The following GPR158 variants were observed in gnomAD, a reference collection of about 807,000 sequenced individuals.
GPR158 encodes metabotropic glycine receptor.
A neutral mutation model predicts 78.2 loss-of-function variants in GPR158; 30 were observed. That is an observed-to-expected ratio of 0.38 (90% confidence interval 0.29 to 0.52). The LOEUF (loss-of-function observed/expected upper bound fraction) is 0.52, where lower values mean the gene tolerates loss of function less well. Ranked by LOEUF, GPR158 falls within the 20% of genes least tolerant of loss-of-function variation. The probability of loss-of-function intolerance (pLI) is 0.83; values close to 1 mark genes in which losing one functional copy is unlikely to be tolerated. For missense variants in GPR158, 1,463 were observed against 1,523.5 expected (o/e 0.96, Z 0.66); for synonymous variants, 581 against 591.1 (o/e 0.98, Z 0.25).
chr10:25,481,180 A>C (rs1835659817), intron 5 of GPR158, among the ~76,000 whole-genome samples: 1 of 151,124 alleles, frequency 6.6e-6, no homozygotes, highest in African/African-American at 2.4e-5. Context: ...ACAGAGACAG[A>C]CCTATGGACT....
At chr10:25,245,794 ATAATGC>A (rs1853681880) in intron 2 of GPR158, among the ~76,000 whole-genome samples, 1 of 152,314 alleles carries the variant, frequency 6.6e-6, no homozygotes, top group African/African-American at 2.4e-5. Flanking sequence ...AGGATGGGAA[ATAATGC>A]TAATTGTGCA....
chr10:25,323,461 A>G (rs750892164), intron 2 of GPR158, among the ~76,000 whole-genome samples: 5 of 152,148 alleles, frequency 3.3e-5, no homozygotes, highest in African/African-American at 9.7e-5. Context: ...TTCCAAAGGA[A>G]GACTGTTTTG....
rs200976216 is a variant in GPR158, at chr10:25,486,861, A to AT, written c.1404+20143dup. The stretch of plus-strand genomic sequence containing the variant: ...AAATATGAATTACCAGGAAAGTGAA[A>AT]TAAAAAAAATAGATAAATGGGAATT... On this transcript the variant is annotated intron_variant, in intron 5 of 10. Coordinates refer to ENST00000376351, the MANE Select transcript of GPR158 (RefSeq NM_020752.3). Among the ~76,000 whole-genome samples the AT allele has an allele frequency of 6.3e-3, 940 of 149,774 alleles. 16 individuals carry two copies. The highest frequency in any genetic ancestry group is 0.023 in the African/African-American group (901 of 39,296).
intron 4 of GPR158, among the ~76,000 whole-genome samples, chr10:25,443,826 C>T (rs1276006014): frequency 6.6e-6 from 1 of 151,980 alleles, no homozygotes; most frequent in African/African-American, 2.4e-5. Context: ...ATGTAGTCAG[C>T]TCCTGTTTCT....
intron 5 of GPR158, among the ~76,000 whole-genome samples, chr10:25,507,633 T>C (rs1260072710): frequency 6.6e-6 from 1 of 152,226 alleles, no homozygotes; most frequent in East Asian, 1.9e-4. Flanking sequence ...AAGATAATAC[T>C]GTATCAGGGA....
At chr10:25,295,759 T>C (rs935921388) in intron 2 of GPR158, among the ~76,000 whole-genome samples, 1 of 152,190 alleles carries the variant, frequency 6.6e-6, no homozygotes, top group African/African-American at 2.4e-5. Flanking sequence ...AAAAAACTTT[T>C]CGTGGTCTAC....
chr10:25,468,151 ATGAG>A (rs1027973074), intron 5 of GPR158, among the ~76,000 whole-genome samples: 1 of 152,140 alleles, frequency 6.6e-6, no homozygotes, highest in Non-Finnish European at 1.5e-5. Flanking sequence ...TAACTGCAGA[ATGAG>A]TGATCATTGG....
intron 5 of GPR158, among the ~76,000 whole-genome samples, chr10:25,544,280 A>G (rs1171270844): frequency 1.7e-5 from 2 of 118,690 alleles, no homozygotes; most frequent in African/African-American, 8.6e-5. Flanking sequence ...GAGAATCAGC[A>G]TAGTGTTTTA....
At chr10:25,211,372 C>T (rs1853127931) in intron 1 of GPR158, among the ~76,000 whole-genome samples, 1 of 152,080 alleles carries the variant, frequency 6.6e-6, no homozygotes, top group African/African-American at 2.4e-5. Flanking sequence ...CCAGGAAGTC[C>T]ATTGTTGGGA....
chr10:25,459,643 G>A (rs1835332105), intron 4 of GPR158, among the ~76,000 whole-genome samples: 1 of 152,132 alleles, frequency 6.6e-6, no homozygotes, highest in Admixed American at 6.5e-5. Context: ...TAAAAATGCA[G>A]CCTTGAGCAT....
At chr10:25,263,252 T>A (rs775535536) in intron 2 of GPR158, among the ~76,000 whole-genome samples, 1 of 152,240 alleles carries the variant, frequency 6.6e-6, no homozygotes, top group Non-Finnish European at 1.5e-5. Flanking sequence ...TGCATGAGGA[T>A]GTCCAGTTGT....
At chr10:25,247,618 A>C (rs1399647093) in intron 2 of GPR158, among the ~76,000 whole-genome samples, 9 of 141,364 alleles carry the variant, frequency 6.4e-5, no homozygotes, top group Non-Finnish European at 9.2e-5. Flanking sequence ...TTCCAATTTC[A>C]TCCATGTCCC....
intron 4 of GPR158, among the ~76,000 whole-genome samples, chr10:25,428,319 T>C (rs940400991): frequency 2.0e-5 from 3 of 152,072 alleles, no homozygotes; most frequent in Non-Finnish European, 4.4e-5. Flanking sequence ...CACATTTGAC[T>C]AGGTAACTTC....
chr10:25,340,537 G>T (rs1248684811), intron 2 of GPR158, among the ~76,000 whole-genome samples: 1 of 151,966 alleles, frequency 6.6e-6, no homozygotes, highest in Non-Finnish European at 1.5e-5. Context: ...ACTAGTAAAA[G>T]AATCAAATGG....
At chr10:25,508,962 C>A (rs1836048805) in intron 5 of GPR158, among the ~76,000 whole-genome samples, 1 of 152,170 alleles carries the variant, frequency 6.6e-6, no homozygotes. Context: ...GAATTTCCTT[C>A]ACAAGTAGCT....
At chr10:25,180,021 A>C (rs1458760617) in intron 1 of GPR158, among the ~76,000 whole-genome samples, 1 of 152,156 alleles carries the variant, frequency 6.6e-6, no homozygotes, top group African/African-American at 2.4e-5. Flanking sequence ...TTCAGTGCCT[A>C]GGATGGTTAG....
In GPR158 at chr10:25,175,769, A is replaced by G. The variant is rs1376410629; in HGVS notation, c.349A>G (p.Ser117Gly). The G allele has an allele frequency of 1.9e-6, 3 of 1,611,352 alleles. No individual in the cohort carries two copies. The highest frequency in any genetic ancestry group is 8.5e-7 in the Non-Finnish European group (1 of 1,179,948). Residue 117 changes from serine to glycine, a missense_variant, in exon 1 of 11, where the codon AGC becomes GGC. Physicochemically the swap from Ser to Gly is moderately conservative, Grantham distance 56. Coordinates refer to ENST00000376351, the MANE Select transcript of GPR158 (RefSeq NM_020752.3). The surrounding 1 kb of genome is among the most constrained non-coding windows in gnomAD (Gnocchi z 6.4). ...GLPGKWPALA[S>G]AHPSLHRALD... ...GCCGGGGAAGTGGCCAGCCCTGGCC[A>G]GCGCGCACCCCTCCTTGCACCGGGC...
intron 1 of GPR158, among the ~76,000 whole-genome samples, chr10:25,182,081 T>C (rs1371204616): frequency 6.6e-6 from 1 of 152,244 alleles, no homozygotes; most frequent in East Asian, 1.9e-4. Context: ...TAATGAATGC[T>C]ATATAAATGC....
At chr10:25,222,894 G>A (rs1853319668) in intron 2 of GPR158, among the ~76,000 whole-genome samples, 1 of 152,136 alleles carries the variant, frequency 6.6e-6, no homozygotes, top group African/African-American at 2.4e-5. Context: ...TACAGTTGCT[G>A]CTTGCTTCTA....
Sources: gnomAD v4.1 joint callset for allele counts (sites outside exome capture counted in the v4.1 genomes callset) on GRCh38, gnomAD v4.1.1 for gene constraint, Gnocchi (gnomAD v3.1) non-coding constraint, MANE v1.5 for transcripts, NCBI Gene and HGNC (gene_info 2026-07-23, HGNC 2026-07-21) for gene names.